LPIN1: variants seen among roughly 807,000 people sequenced by gnomAD.
The protein encoded by LPIN1 is phosphatidate phosphatase LPIN1.
LPIN1 carries 71 observed loss-of-function variants against 107.5 expected under a neutral mutation model. That is an observed-to-expected ratio of 0.66 (90% CI 0.55 to 0.80). The LOEUF is 0.80. Ranked by LOEUF, LPIN1 falls within the 30% of genes least tolerant of loss-of-function variation. The pLI is 0.00. For synonymous variants in LPIN1, 445 were observed against 452.6 expected (o/e 0.98, Z 0.21); for missense variants, 1,043 against 1,160.6 (o/e 0.90, Z 1.47).
intron 12 of LPIN1, among the ~76,000 whole-genome samples, chr2:11,790,445 G>A (rs1396448355): frequency 6.6e-6 from 1 of 152,214 alleles, no homozygotes; most frequent in Non-Finnish European, 1.5e-5. Flanking sequence ...TCAAGACTTG[G>A]TCACATGATC....
intron 1 of LPIN1, among the ~76,000 whole-genome samples, chr2:11,694,863 G>A (rs941715214): frequency 6.6e-6 from 1 of 152,100 alleles, no homozygotes; most frequent in Non-Finnish European, 1.5e-5. Context: ...TCACCACTAC[G>A]TTAAGAAATA....
rs534774187 is a variant in LPIN1, at chr2:11,747,109, C to T, written c.-10+438C>T. 4.0e-3 allele frequency among the ~76,000 whole-genome samples: 614 copies of T among 152,336 alleles called. 3 individuals are homozygous for T. Among genetic ancestry groups the T allele is most frequent in the African/African-American group, 0.014 (586 of 41,588 alleles). ...GACTGGGATGAGAGCCTTTCTTTCC[C>T]CCGGAGTTAGGATTCCAGCGCTGCA... On this transcript the variant is annotated intron_variant, in intron 1 of 20. Coordinates refer to ENST00000674199, the MANE Select transcript of LPIN1 (RefSeq NM_001349206.2).
chr2:11,692,484 A>G (rs777488059), intron 1 of LPIN1, among the ~76,000 whole-genome samples: 1 of 152,198 alleles, frequency 6.6e-6, no homozygotes, highest in Non-Finnish European at 1.5e-5. Flanking sequence ...GTTGATGTTG[A>G]CTCAGTAGAT....
Position 11,786,016 on chromosome 2 carries a change from G to A in LPIN1, c.1549+940G>A, listed in dbSNP as rs1194189061. ...TCATGGGGGCTCTCTGGACACTGGC[G>A]TGAGGAGTCCCCTGGGCGTTCCCTC... On this transcript the variant is annotated intron_variant, in intron 10 of 20. Transcript: ENST00000674199. This position sits in a 1 kb window ranked among gnomAD's most constrained non-coding sequence, Gnocchi z 4.1. Among the ~76,000 whole-genome samples, 3 of 152,132 alleles carry A rather than the reference G, an allele frequency of 2.0e-5. No homozygotes were observed. The highest frequency in any genetic ancestry group is 4.8e-5 in the African/African-American group (2 of 41,420).
At chr2:11,723,510 A>T (rs1012752691), upstream of LPIN1, 1 of 152,136 alleles carries the variant, frequency 6.6e-6, no homozygotes, top group African/African-American at 2.4e-5. Flanking sequence ...ACAAAAAATT[A>T]CCTGGGCATG....
intron 1 of LPIN1, among the ~76,000 whole-genome samples, chr2:11,690,664 T>C (rs1271288215): frequency 3.3e-5 from 5 of 152,232 alleles, no homozygotes; most frequent in Non-Finnish European, 7.3e-5. Flanking sequence ...TGACTTGCTG[T>C]GCCTGCTGGA....
upstream of LPIN1, among the ~76,000 whole-genome samples, chr2:11,742,947 AC>A (rs1264871448): frequency 6.6e-6 from 1 of 152,202 alleles, no homozygotes; most frequent in African/African-American, 2.4e-5. Context: ...GCTCCTTGAC[AC>A]CTGGCCTAGA....
intron 1 of LPIN1, among the ~76,000 whole-genome samples, chr2:11,759,949 C>T (rs1177024852): frequency 9.1e-3 from 1,011 of 111,392 alleles, no homozygotes; most frequent in South Asian, 0.011. Flanking sequence ...CGGAGGGGCT[C>T]CTCACTTCTC....
rs745517699 is a variant in LPIN1 at position 11,824,749 on chromosome 2, G to A, written c.2739G>A (p.Leu913=). 1.2e-6 allele frequency: 2 copies of A among 1,614,182 alleles called. No homozygotes were observed. The highest frequency in any genetic ancestry group is 2.2e-5 in the East Asian group (1 of 44,878). Residue 913 remains leucine, a synonymous_variant, in exon 21 of 21, where the codon CTG becomes CTA. Coordinates refer to ENST00000674199, the MANE Select transcript of LPIN1 (RefSeq NM_001349206.2). ...ACTTCACCTTTTGGAGAGAGCCACTGCCACCTTTTGAAAACCAGGACATTC... is the reference window on the plus strand; with the variant it reads ...ACTTCACCTTTTGGAGAGAGCCACTACCACCTTTTGAAAACCAGGACATTC... ...FSNFTFWREP[L]PPFENQDIHS... is the part of the protein sequence containing the mutation.
intron 1 of LPIN1, among the ~76,000 whole-genome samples, chr2:11,747,392 G>C (rs996743514): frequency 6.6e-6 from 1 of 152,226 alleles, no homozygotes; most frequent in East Asian, 1.9e-4. Flanking sequence ...AGTAACTTAA[G>C]TGCTGTGGAG....
At chr2:11,708,439 GA>G (rs1663235621) in intron 1 of LPIN1, among the ~76,000 whole-genome samples, 1 of 152,154 alleles carries the variant, frequency 6.6e-6, no homozygotes, top group African/African-American at 2.4e-5. Context: ...ACTGAGATGG[GA>G]ACCCTGTACA....
At chr2:11,680,894 C>A (rs1333445881) in intron 1 of LPIN1, among the ~76,000 whole-genome samples, 2 of 152,212 alleles carry the variant, frequency 1.3e-5, no homozygotes, top group Admixed American at 6.5e-5. Context: ...GACTCACACC[C>A]TAGCATTGTC....
chr2:11,796,628 C>G (rs775656755), intron 14 of LPIN1, among the ~76,000 whole-genome samples: 11 of 152,090 alleles, frequency 7.2e-5, no homozygotes, highest in Admixed American at 3.3e-4. Context: ...GGTGCCTCCC[C>G]CTGACCCACC....
At chr2:11,812,564 T>A (rs779518000) in intron 17 of LPIN1, among the ~76,000 whole-genome samples, 1 of 152,112 alleles carries the variant, frequency 6.6e-6, no homozygotes, top group Non-Finnish European at 1.5e-5. Flanking sequence ...AGGAACGGCA[T>A]GGGCAAGTGC....
In LPIN1 at chr2:11,693,798, A is replaced by G. The variant is rs1212930563; in HGVS notation, c.81+16070A>G. Among the ~76,000 whole-genome samples, 10 of 16,916 alleles carry G rather than the reference A, an allele frequency of 5.9e-4. No individual in the cohort carries two copies. The East Asian group carries it at 8.5e-3, about 14-fold the overall frequency. The allele number at this position is 16,916 out of a possible 152,430, so 11.1% of individuals were successfully genotyped here. A position where few individuals can be genotyped will look rare whatever the true frequency, so the allele number is the denominator to read the frequency against. On this transcript the variant is annotated intron_variant, in intron 1 of 21. Coordinates refer to the LPIN1 transcript ENST00000449576. ...TGTGTGTGTGAGTGTGTATATATAT[A>G]TATATATATATATATATATATATAT...
intron 1 of LPIN1, among the ~76,000 whole-genome samples, chr2:11,732,893 T>TTC (rs541063769): frequency 0.15 from 22,753 of 149,102 alleles, 2,153 homozygotes; most frequent in African/African-American, 0.26. Context: ...CTCTCTCTCT[T>TTC]TCTCTCTCTC....
Position 11,711,178 on chromosome 2 carries a change from C to A in LPIN1, c.82-2578C>A, listed in dbSNP as rs115103426. ...ACAGAGAATTCTGGTGCCCGTGTGA[C>A]TGTGTTGGTGGCCCCTGAAGAATTT... On this transcript the variant is annotated intron_variant, in intron 1 of 21. Coordinates refer to the LPIN1 transcript ENST00000449576. Among the ~76,000 whole-genome samples the A allele has an allele frequency of 2.8e-3, 422 of 152,296 alleles. 1 individual carries two copies. The highest frequency in any genetic ancestry group is 9.6e-3 in the African/African-American group (397 of 41,544).
chr2:11,678,304 A>G (rs535457237), intron 1 of LPIN1, among the ~76,000 whole-genome samples: 1 of 152,344 alleles, frequency 6.6e-6, no homozygotes, highest in African/African-American at 2.4e-5. Flanking sequence ...TATTTTCACA[A>G]AAAAGCCCAA....
chr2:11,680,503 G>A (rs1183312705), intron 1 of LPIN1, among the ~76,000 whole-genome samples: 1 of 152,128 alleles, frequency 6.6e-6, no homozygotes, highest in African/African-American at 2.4e-5. Context: ...GGAATGGGTG[G>A]GGCTGCAGCT....
Sources: gnomAD v4.1 joint callset for allele counts (sites outside exome capture counted in the v4.1 genomes callset) on GRCh38, gnomAD v4.1.1 for gene constraint, Gnocchi (gnomAD v3.1) non-coding constraint, MANE v1.5 for transcripts, NCBI Gene and HGNC (gene_info 2026-07-23, HGNC 2026-07-21) for gene names.